HIVEP3: variants seen among roughly 807,000 people sequenced by gnomAD.
The protein encoded by HIVEP3 is transcription factor HIVEP3.
A neutral mutation model predicts 152.8 loss-of-function variants in HIVEP3; 49 were observed. The ratio of observed to expected loss-of-function variants is 0.32; its 90% CI spans 0.26 to 0.41. The LOEUF (loss-of-function observed/expected upper bound fraction) is 0.41, where lower values mean the gene tolerates loss of function less well. HIVEP3 is among the 10% of genes least tolerant of loss of function. The probability of loss-of-function intolerance (pLI) is 1.00; values close to 1 mark genes in which losing one functional copy is unlikely to be tolerated. For missense variants in HIVEP3, 2,790 were observed against 3,103.3 expected (o/e 0.90, Z 2.40); for synonymous variants, 1,269 against 1,289.0 (o/e 0.98, Z 0.33).
chr1:41,944,236 T>C (rs1645062702), intron 1 of HIVEP3, among the ~76,000 whole-genome samples: 1 of 152,262 alleles, frequency 6.6e-6, no homozygotes, highest in South Asian at 2.1e-4. Flanking sequence ...TAAATGCCGC[T>C]GAACTGTATG....
intron 5 of HIVEP3, among the ~76,000 whole-genome samples, chr1:41,526,958 A>ATG (rs1642969020): frequency 4.2e-5 from 2 of 47,852 alleles, no homozygotes; most frequent in Non-Finnish European, 8.1e-5. Flanking sequence ...CTCACACCCC[A>ATG]CTCATCCTCA....
intron 1 of HIVEP3, among the ~76,000 whole-genome samples, chr1:41,713,280 T>C (rs998138462): frequency 1.3e-5 from 2 of 152,214 alleles, no homozygotes; most frequent in African/African-American, 4.8e-5. Flanking sequence ...TTTCTGGGTC[T>C]GCTCTTTGTC....
intron 1 of HIVEP3, among the ~76,000 whole-genome samples, chr1:41,947,465 A>T (rs897700750): frequency 7.9e-5 from 12 of 152,264 alleles, no homozygotes; most frequent in African/African-American, 2.9e-4. Flanking sequence ...AACTAAGAGC[A>T]TTCCTTGGCA....
chr1:41,546,531 G>A (rs1301096154), intron 5 of HIVEP3, among the ~76,000 whole-genome samples: 2 of 152,206 alleles, frequency 1.3e-5, no homozygotes, highest in Non-Finnish European at 2.9e-5. Context: ...GGAGGGACCT[G>A]TGCTCATCTC....
At chr1:41,554,108 A>G (rs1200886969) in intron 5 of HIVEP3, among the ~76,000 whole-genome samples, 2 of 152,022 alleles carry the variant, frequency 1.3e-5, no homozygotes, top group Non-Finnish European at 1.5e-5. Context: ...ACTTGTTTCC[A>G]TTCTCCCTGT....
At chr1:41,698,754 C>G (rs1218578129) in intron 2 of HIVEP3, among the ~76,000 whole-genome samples, 6 of 150,238 alleles carry the variant, frequency 4.0e-5, no homozygotes, top group African/African-American at 1.5e-4. Context: ...CTGGCCCCAC[C>G]CCCCACAATG....
chr1:41,821,341 A>G (rs1642595091), intron 1 of HIVEP3, among the ~76,000 whole-genome samples: 1 of 152,204 alleles, frequency 6.6e-6, no homozygotes, highest in African/African-American at 2.4e-5. Context: ...GTAGGCATGC[A>G]TCCCTTGTCT....
intron 1 of HIVEP3, among the ~76,000 whole-genome samples, chr1:41,941,811 G>A (rs1352093241): frequency 1.3e-5 from 2 of 152,192 alleles, no homozygotes; most frequent in Non-Finnish European, 2.9e-5. Flanking sequence ...CCGTTTCTAA[G>A]CCATAGATCA....
intron 1 of HIVEP3, among the ~76,000 whole-genome samples, chr1:41,858,493 G>A (rs768549842): frequency 1.3e-5 from 2 of 152,046 alleles, no homozygotes; most frequent in African/African-American, 2.4e-5. Context: ...CACCTTCCAT[G>A]GTCTCCAACA....
chr1:41,762,594 C>T (rs920093470), intron 1 of HIVEP3, among the ~76,000 whole-genome samples: 11 of 152,332 alleles, frequency 7.2e-5, no homozygotes, highest in Admixed American at 5.2e-4. Context: ...CCACAGCAGT[C>T]GGTCATGACA....
intron 1 of HIVEP3, among the ~76,000 whole-genome samples, chr1:41,725,369 G>A (rs1227572759): frequency 6.6e-6 from 1 of 152,220 alleles, no homozygotes; most frequent in Non-Finnish European, 1.5e-5. Context: ...TAGCTGTCAA[G>A]AGGCAAGAGA....
chr1:41,614,025 A>T (rs1644932830), intron 3 of HIVEP3, among the ~76,000 whole-genome samples: 1 of 152,230 alleles, frequency 6.6e-6, no homozygotes, highest in Non-Finnish European at 1.5e-5. Context: ...CCCAGGCCAC[A>T]ATGCCTGTGA....
intron 1 of HIVEP3, among the ~76,000 whole-genome samples, chr1:41,932,257 AT>A: frequency 6.6e-6 from 1 of 150,678 alleles, no homozygotes; most frequent in East Asian, 2.0e-4. Flanking sequence ...TCATTGGTTG[AT>A]TTTTCCAGTG....
intron 1 of HIVEP3, among the ~76,000 whole-genome samples, chr1:41,993,533 C>T (rs1645376167): frequency 6.6e-6 from 1 of 152,072 alleles, no homozygotes; most frequent in South Asian, 2.1e-4. Context: ...GAAATAGGAA[C>T]ACTTATACAC....
chr1:41,617,997 G>GGT (rs74823759), intron 3 of HIVEP3, among the ~76,000 whole-genome samples: 6,143 of 152,248 alleles, frequency 0.04, 155 homozygotes, highest in East Asian at 0.099. Flanking sequence ...GTCACTGGTG[G>GGT]GTGCATTTCC....
intron 1 of HIVEP3, among the ~76,000 whole-genome samples, chr1:41,840,683 C>A (rs1403923264): frequency 6.6e-6 from 1 of 152,176 alleles, no homozygotes; most frequent in African/African-American, 2.4e-5. Context: ...CTTCAAATCC[C>A]TTGGATATTA....
chr1:41,764,627 C>A (rs1472934595), intron 1 of HIVEP3, among the ~76,000 whole-genome samples: 1 of 152,210 alleles, frequency 6.6e-6, no homozygotes, highest in African/African-American at 2.4e-5. Flanking sequence ...CTAAACCTGT[C>A]TGCACTTTTG....
At chr1:41,567,336 G>A (rs1185622469) in intron 5 of HIVEP3, among the ~76,000 whole-genome samples, 5 of 152,138 alleles carry the variant, frequency 3.3e-5, no homozygotes, top group Admixed American at 1.3e-4. Flanking sequence ...CCTGCTCTTC[G>A]TGCTGCCCTG....
At chr1:41,999,116 G>T (rs537619318) in intron 1 of HIVEP3, among the ~76,000 whole-genome samples, 1 of 151,624 alleles carries the variant, frequency 6.6e-6, no homozygotes, top group South Asian at 2.1e-4. Context: ...GGATGGTCTT[G>T]ATCTCTTGAC....
Sources: allele counts gnomAD v4.1 joint callset (sites outside exome capture counted in the v4.1 genomes callset), GRCh38; gene constraint gnomAD v4.1.1; transcripts MANE v1.5; gene names NCBI Gene and HGNC (gene_info 2026-07-23, HGNC 2026-07-21).